Variants in ATXN7 observed in about 807,000 individuals in gnomAD.
ATXN7 encodes the protein ataxin-7.
ATXN7 carries 12 observed loss-of-function variants against 70.5 expected under a neutral mutation model. The ratio of observed to expected loss-of-function variants is 0.17; its 90% CI spans 0.11 to 0.28. The LOEUF is 0.28. ATXN7 is among the 10% of genes least tolerant of loss of function. The probability of loss-of-function intolerance (pLI) is 1.00; values close to 1 mark genes in which losing one functional copy is unlikely to be tolerated. For synonymous variants in ATXN7, 498 were observed against 448.7 expected, an observed-to-expected ratio of 1.11 and a Z score of -1.39; for missense variants, 1,256 against 1,131.7, an observed-to-expected ratio of 1.11 and a Z score of -1.58.
At chr3:63,937,460 T>G (rs1168166933) in intron 4 of ATXN7, among the ~76,000 whole-genome samples, 1 of 152,200 alleles carries the variant, frequency 6.6e-6, no homozygotes, top group Non-Finnish European at 1.5e-5. Flanking sequence ...ATAATTTTTT[T>G]GTACACCATA....
chr3:63,986,647 T>G (rs1001219017), intron 8 of ATXN7, among the ~76,000 whole-genome samples: 1 of 152,234 alleles, frequency 6.6e-6, no homozygotes, highest in African/African-American at 2.4e-5. Flanking sequence ...TCCTGGTCTT[T>G]AGGTTACTTT....
chr3:63,986,757 G>T (rs902791922), intron 8 of ATXN7, among the ~76,000 whole-genome samples: 8 of 152,180 alleles, frequency 5.3e-5, no homozygotes, highest in Non-Finnish European at 2.9e-5. Context: ...GACATAGTTT[G>T]CAGTGTGTCT....
chr3:63,985,590 T>A (rs2075564041), intron 8 of ATXN7, among the ~76,000 whole-genome samples: 1 of 152,252 alleles, frequency 6.6e-6, no homozygotes, highest in African/African-American at 2.4e-5. Context: ...CCAGGTCTCT[T>A]CTGTCTTAGA....
intron 11 of ATXN7, among the ~76,000 whole-genome samples, chr3:63,991,717 A>G (rs2075674733): frequency 6.6e-6 from 1 of 152,114 alleles, no homozygotes; most frequent in Admixed American, 6.5e-5. Context: ...CCAGTTTGCA[A>G]TTTAAGACAC....
intron 8 of ATXN7, among the ~76,000 whole-genome samples, chr3:63,985,727 G>C (rs533044374): frequency 1.3e-5 from 2 of 152,098 alleles, no homozygotes; most frequent in African/African-American, 4.8e-5. Context: ...CTAATATCCC[G>C]TCGAAAGTCC....
intron 6 of ATXN7, 59 bp from the exon 7 acceptor site, chr3:63,982,127 T>C: frequency 6.2e-7 from 1 of 1,607,808 alleles, no homozygotes; most frequent in Admixed American, 1.7e-5. Context: ...TGGCTCACCA[T>C]TCACCTGGGG....
intron 5 of ATXN7, among the ~76,000 whole-genome samples, chr3:63,965,557 A>T (rs1575961571): frequency 6.6e-6 from 1 of 152,178 alleles, no homozygotes; most frequent in Non-Finnish European, 1.5e-5. Flanking sequence ...ATGTTATTCT[A>T]TTAAGATGTT....
intron 4 of ATXN7, among the ~76,000 whole-genome samples, chr3:63,951,150 C>T (rs558041447): frequency 1.3e-5 from 2 of 152,068 alleles, no homozygotes. Context: ...ATCCCCAAAT[C>T]GTGCTAGACT....
intron 4 of ATXN7, among the ~76,000 whole-genome samples, chr3:63,930,604 T>C (rs964431580): frequency 6.6e-6 from 1 of 151,814 alleles, no homozygotes; most frequent in Admixed American, 6.6e-5. Context: ...CAATCTTGGC[T>C]CACTGCAAGC....
chr3:63,892,387 CA>C (rs1246045802), intron 1 of ATXN7, among the ~76,000 whole-genome samples: 12 of 150,578 alleles, frequency 8.0e-5, no homozygotes, highest in African/African-American at 2.9e-4. Flanking sequence ...CACACACACA[CA>C]CACACACACA....
At chr3:63,920,944 A>C (rs1704488159) in intron 4 of ATXN7, among the ~76,000 whole-genome samples, 1 of 152,192 alleles carries the variant, frequency 6.6e-6, no homozygotes, top group Non-Finnish European at 1.5e-5. Context: ...TTATTAAAGT[A>C]TTTTTTGATT....
chr3:63,940,193 C>T (rs2074731329), intron 4 of ATXN7, among the ~76,000 whole-genome samples: 1 of 151,862 alleles, frequency 6.6e-6, no homozygotes, highest in Non-Finnish European at 1.5e-5. Flanking sequence ...CCTAATCTCA[C>T]CTCTTGCTAA....
rs1216716369 is a variant in ATXN7, at chr3:63,912,708, A to AGCC, written c.112_113insCGC (p.Gln37_Gln38insPro). The AGCC allele has an allele frequency of 2.5e-6, 3 of 1,197,588 alleles. No homozygotes were observed. The highest frequency in any genetic ancestry group is 3.3e-5 in the African/African-American group (2 of 59,838). 74.2% of individuals were successfully genotyped at this position (1,197,588 alleles called of 1,614,324 possible). On this transcript the variant is annotated inframe_insertion, in exon 3 of 13. Coordinates refer to ENST00000674280, the MANE Select transcript of ATXN7 (RefSeq NM_001377405.1). ...CGGCAGCAGCAGCAGCAGCAGCAGCAGCAGCAGCCGCCGCCTCCGCAGCCC... is the reference window on the plus strand; with the variant it reads ...CGGCAGCAGCAGCAGCAGCAGCAGCAGCCGCAGCAGCCGCCGCCTCCGCAGCCC...
chr3:63,977,678 G>C (rs1416812781), intron 5 of ATXN7, among the ~76,000 whole-genome samples: 1 of 152,144 alleles, frequency 6.6e-6, no homozygotes, highest in African/African-American at 2.4e-5. Flanking sequence ...AAATGGATTA[G>C]GGGGTGGTTT....
chr3:63,967,779 A>G (rs1329823517), intron 5 of ATXN7: 1 of 1,466,732 alleles, frequency 6.8e-7, no homozygotes, highest in East Asian at 2.5e-5. Flanking sequence ...TTGTAATTCA[A>G]GTGCTTTTTA....
chr3:63,964,797 G>T (rs1162231205), intron 5 of ATXN7, among the ~76,000 whole-genome samples: 4 of 152,198 alleles, frequency 2.6e-5, no homozygotes, highest in Admixed American at 2.6e-4. Flanking sequence ...ACAGCCGAAT[G>T]AATTGCTTGG....
intron 5 of ATXN7, among the ~76,000 whole-genome samples, chr3:63,954,699 G>A (rs1401999297): frequency 8.0e-6 from 1 of 124,560 alleles, no homozygotes; most frequent in African/African-American, 3.1e-5. Context: ...AGGAAAAAGT[G>A]TTTTTTTTTT....
intron 4 of ATXN7, among the ~76,000 whole-genome samples, chr3:63,933,209 TTC>T (rs1355063397): frequency 6.6e-6 from 1 of 152,180 alleles, no homozygotes; most frequent in African/African-American, 2.4e-5. Flanking sequence ...CATGTTTCCT[TTC>T]TCTCTGAGTC....
chr3:63,960,444 C>T (rs566129255), intron 5 of ATXN7, among the ~76,000 whole-genome samples: 2 of 152,202 alleles, frequency 1.3e-5, no homozygotes, highest in South Asian at 2.1e-4. Context: ...GTATGGAACA[C>T]GGGGCAAATG....
Sources: allele counts gnomAD v4.1 joint callset (sites outside exome capture counted in the v4.1 genomes callset), GRCh38; gene constraint gnomAD v4.1.1; transcripts MANE v1.5; gene names NCBI Gene and HGNC (gene_info 2026-07-23, HGNC 2026-07-21).